ATE1: variants seen among roughly 807,000 people sequenced by gnomAD.
ATE1 encodes arginyltransferase 1.
Under a neutral mutation model 70.5 loss-of-function variants are expected in ATE1, and 36 were observed. That is an observed-to-expected ratio of 0.51 (90% CI 0.39 to 0.67). The LOEUF is 0.67. Among genes scored for constraint, ATE1 ranks in the 30% least tolerant of loss-of-function variants. ATE1 has a pLI of 0.00. For missense variants in ATE1, 593 were observed against 629.5 expected, an observed-to-expected ratio of 0.94 and a Z score of 0.62; for synonymous variants, 232 against 219.3, an observed-to-expected ratio of 1.06 and a Z score of -0.51.
chr10:121,819,476 G>A (rs1322166762), intron 10 of ATE1, among the ~76,000 whole-genome samples: 8 of 151,860 alleles, frequency 5.3e-5, no homozygotes, highest in African/African-American at 1.7e-4. Context: ...AGGCCGAGGC[G>A]GCCGGATCAT....
intron 8 of ATE1, among the ~76,000 whole-genome samples, chr10:121,844,375 G>A (rs1193378694): frequency 6.6e-6 from 1 of 152,188 alleles, no homozygotes; most frequent in Admixed American, 6.5e-5. Flanking sequence ...TTAGGGAACT[G>A]CAAATTAAAA....
chr10:121,927,993 T>TAGCGCGGCCGCCGCCGCCACC lies in ATE1; in HGVS notation c.-65_-45dup, dbSNP rs1421925921. 1 of 1,415,392 alleles carries TAGCGCGGCCGCCGCCGCCACC rather than the reference T, an allele frequency of 7.1e-7. No individual in the cohort carries two copies. The highest frequency in any genetic ancestry group is 9.2e-7 in the Non-Finnish European group (1 of 1,081,386). The allele number at this position is 1,415,392 out of a possible 1,614,324, so 87.7% of individuals were successfully genotyped here. Reference sequence around the variant, plus strand: ...GCTCAGCCGCCCGGCCCCGCGTCGCTAGCGCGGCCGCCGCCGCCACCCCAC... The same window carrying TAGCGCGGCCGCCGCCGCCACC: ...GCTCAGCCGCCCGGCCCCGCGTCGCTAGCGCGGCCGCCGCCGCCACCAGCGCGGCCGCCGCCGCCACCCCAC... On this transcript the variant is annotated 5_prime_UTR_variant, in exon 1 of 12. Coordinates refer to ENST00000224652, the MANE Select transcript of ATE1 (RefSeq NM_001001976.3).
At chr10:121,911,304 T>G (rs1021794882) in intron 4 of ATE1, among the ~76,000 whole-genome samples, 153 bp from the exon 5 acceptor site, 1 of 152,146 alleles carries the variant, frequency 6.6e-6, no homozygotes, top group African/African-American at 2.4e-5. Context: ...GAGCTGCACT[T>G]AAGACTGGCA....
In ATE1 at chr10:121,810,185, A is replaced by G. The variant is rs1947263675; in HGVS notation, c.1258-19896T>C. On this transcript the variant is annotated intron_variant, in intron 10 of 11. Transcript: ENST00000224652. ...TTCCTTTGCTTAATAAGCATGTGTA[A>G]ATTATTTGGTTTTCTGTCATGTGAT... Among the ~76,000 whole-genome samples the G allele has an allele frequency of 2.0e-5, 3 of 152,214 alleles. No homozygotes were observed. In the South Asian group the frequency reaches 6.2e-4, roughly 32 times the overall value.
Position 121,924,331 on chromosome 10 carries a change from TG to T in ATE1, c.107-3del. 5.6e-6 allele frequency: 9 copies of T among 1,613,158 alleles called. No individual in the cohort carries two copies. The highest frequency in any genetic ancestry group is 7.6e-6 in the Non-Finnish European group (9 of 1,179,144). On this transcript the variant is annotated splice_polypyrimidine_tract_variant and splice_region_variant and intron_variant, in intron 1 of 11. Coordinates refer to ENST00000224652, the MANE Select transcript of ATE1 (RefSeq NM_001001976.3). The stretch of plus-strand genomic sequence containing the variant: ...CTGTCATGGAATGTGCCCACATGCC[TG>T]AAAAAATAAGTAGTGTGTTAATTAC...
rs1224293610 is a variant in ATE1, at chr10:121,742,268, A to G, written c.*1412T>C. On this transcript the variant is annotated 3_prime_UTR_variant, in exon 12 of 12. Coordinates refer to ENST00000224652, the MANE Select transcript of ATE1 (RefSeq NM_001001976.3). ...TTTTATGATCCTTTTTATTCTAGTT[A>G]GCTGAGGATATTTTCAAATTTTTGT... The G allele has an allele frequency of 6.6e-6, 1 of 152,214 alleles. No individual in the cohort carries two copies. The highest frequency in any genetic ancestry group is 2.4e-5 in the African/African-American group (1 of 41,464). 9.4% of individuals were successfully genotyped at this position (152,214 alleles called of 1,614,324 possible).
chr10:121,835,286 A>G (rs1274579342), intron 10 of ATE1, among the ~76,000 whole-genome samples: 1 of 152,122 alleles, frequency 6.6e-6, no homozygotes, highest in Non-Finnish European at 1.5e-5. Flanking sequence ...TGGACTGTCA[A>G]TGTAAAACCA....
At chr10:121,763,212 T>C (rs1006724214) in intron 11 of ATE1, among the ~76,000 whole-genome samples, 8 of 152,214 alleles carry the variant, frequency 5.3e-5, no homozygotes, top group African/African-American at 1.9e-4. Context: ...TTATTATCAG[T>C]AATGTAGTAT....
chr10:121,918,057 G>A (rs1370764623), intron 3 of ATE1, among the ~76,000 whole-genome samples: 1 of 152,152 alleles, frequency 6.6e-6, no homozygotes, highest in African/African-American at 2.4e-5. Flanking sequence ...GATGTGGCTG[G>A]GCCCAGTGGC....
rs146678168 is a variant in ATE1 at position 121,877,200 on chromosome 10, A to G, written c.943-7162T>C. On this transcript the variant is annotated intron_variant, in intron 7 of 11. Coordinates refer to ENST00000224652, the MANE Select transcript of ATE1 (RefSeq NM_001001976.3). ...ATAGGACGCTAATGACCTAAGGCCTATATGTTAATTGCATTAAATAAATAC... is the reference window on the plus strand; with the variant it reads ...ATAGGACGCTAATGACCTAAGGCCTGTATGTTAATTGCATTAAATAAATAC... Among the ~76,000 whole-genome samples, 1,080 of 152,268 alleles carry G rather than the reference A, an allele frequency of 7.1e-3. 25 individuals are homozygous for G. The highest frequency in any genetic ancestry group is 0.025 in the African/African-American group (1,021 of 41,558).
Position 121,793,598 on chromosome 10 carries a change from A to G in ATE1, c.1258-3309T>C, listed in dbSNP as rs138912676. 2.0e-5 allele frequency among the ~76,000 whole-genome samples: 3 copies of G among 152,322 alleles called. No homozygotes were observed. The East Asian group carries it at 5.8e-4, about 29-fold the overall frequency. On this transcript the variant is annotated intron_variant, in intron 10 of 11. Coordinates refer to ENST00000224652, the MANE Select transcript of ATE1 (RefSeq NM_001001976.3). ...ATTTCATGTGGTTTTAATTAGCATT[A>G]TGTATCTTCATATATTTAGAGGAAT...
At chr10:121,763,217 T>C (rs180858444) in intron 11 of ATE1, among the ~76,000 whole-genome samples, 25 of 152,340 alleles carry the variant, frequency 1.6e-4, no homozygotes, top group Admixed American at 3.9e-4. Flanking sequence ...ATCAGTAATG[T>C]AGTATGCAAT....
rs546487510 is a variant in ATE1 at position 121,762,626 on chromosome 10, G to C, written c.1379-18768C>G. Among the ~76,000 whole-genome samples the C allele has an allele frequency of 3.9e-5, 6 of 152,268 alleles. No homozygotes were observed. The South Asian group carries it at 1.2e-3, about 32-fold the overall frequency. ...TGGTGGGTCTAAATGGTCCCAGTGT[G>C]AGTGAGCTTGGTGAGTGTGCGTGTG... is the stretch of plus-strand genomic sequence containing the variant. On this transcript the variant is annotated intron_variant, in intron 11 of 11. Coordinates refer to ENST00000224652, the MANE Select transcript of ATE1 (RefSeq NM_001001976.3).
At chr10:121,894,820 G>C (rs891577396) in intron 7 of ATE1, among the ~76,000 whole-genome samples, 4 of 152,086 alleles carry the variant, frequency 2.6e-5, no homozygotes, top group Non-Finnish European at 5.9e-5. Context: ...AGAATGGCCC[G>C]AACCCGAGAG....
intron 1 of ATE1, chr10:121,927,478 G>A: frequency 2.0e-6 from 2 of 985,126 alleles, no homozygotes; most frequent in Non-Finnish European, 2.4e-6. Flanking sequence ...CCTCGCTCCC[G>A]GGACGCTCCC....
chr10:121,817,505 C>G (rs1185743681), intron 10 of ATE1, among the ~76,000 whole-genome samples: 1 of 151,056 alleles, frequency 6.6e-6, no homozygotes, highest in African/African-American at 2.4e-5. Context: ...CGCCACTGCA[C>G]TCCAGCCTGG....
rs1276837441 is a variant in ATE1, at chr10:121,868,718, T to C, written c.975+1288A>G. Among the ~76,000 whole-genome samples the C allele has an allele frequency of 4.6e-5, 7 of 152,226 alleles. No homozygotes were observed. In the East Asian group the frequency reaches 1.4e-3, roughly 29 times the overall value. On this transcript the variant is annotated intron_variant, in intron 8 of 11. Coordinates refer to ENST00000224652, the MANE Select transcript of ATE1 (RefSeq NM_001001976.3). The stretch of plus-strand genomic sequence containing the variant: ...CTCAGGCCTCTCTCATTTCAAAGCC[T>C]AGACTCTTTCCACTATACCACTCTG...
chr10:121,757,430 C>T (rs1944853002), intron 11 of ATE1, among the ~76,000 whole-genome samples: 2 of 152,190 alleles, frequency 1.3e-5, no homozygotes, highest in Non-Finnish European at 2.9e-5. Context: ...AGCTTTTCAG[C>T]AGTACCCCAC....
At chr10:121,924,152 A>G (rs953171086) in intron 2 of ATE1, 114 bp downstream of exon 2, 4 of 891,698 alleles carry the variant, frequency 4.5e-6, no homozygotes, top group African/African-American at 1.7e-5. Flanking sequence ...ATAAAAGAAT[A>G]TAATAAAAAT....
Sources: allele counts gnomAD v4.1 joint callset (sites outside exome capture counted in the v4.1 genomes callset), GRCh38; gene constraint gnomAD v4.1.1; transcripts MANE v1.5; gene names NCBI Gene and HGNC (gene_info 2026-07-23, HGNC 2026-07-21).